The following MORC2 variants were observed in gnomAD, a reference collection of about 807,000 sequenced individuals.
MORC2 encodes the protein ATPase MORC2.
Under a neutral mutation model 136.0 loss-of-function variants are expected in MORC2, and 30 were observed. The observed-to-expected ratio is 0.22, with a 90% CI of 0.17 to 0.30. The LOEUF is 0.30. Among genes scored for constraint, MORC2 ranks in the 10% least tolerant of loss-of-function variants. The pLI is 1.00. For missense variants in MORC2, 922 were observed against 1,333.1 expected (o/e 0.69, Z 4.80); for synonymous variants, 439 against 487.0 (o/e 0.90, Z 1.30).
chr22:30,940,133 T>A, intron 10 of MORC2, 92 bp from the exon 11 acceptor site: 1 of 1,267,864 alleles, frequency 7.9e-7, no homozygotes, highest in Non-Finnish European at 1.1e-6. Flanking sequence ...ACGAAGTGTG[T>A]ACACCACCAA....
chr22:30,931,142 C>A (rs928781961), intron 24 of MORC2, among the ~76,000 whole-genome samples: 1 of 152,198 alleles, frequency 6.6e-6, no homozygotes, highest in Non-Finnish European at 1.5e-5. Context: ...TGCCTCCTCG[C>A]CCCTGCATCT....
chr22:30,937,808 C>A lies in MORC2; in HGVS notation c.1369+7G>T. The A allele has an allele frequency of 6.2e-7, 1 of 1,614,152 alleles. No homozygotes were observed. The highest frequency in any genetic ancestry group is 8.5e-7 in the Non-Finnish European group (1 of 1,180,032). ...AAGGCAGAGGCCCAGCAGCCCAGCCCCATTACCGATGGCAATATCCTTCCA... is the reference window on the plus strand; with the variant it reads ...AAGGCAGAGGCCCAGCAGCCCAGCCACATTACCGATGGCAATATCCTTCCA... On this transcript the variant is annotated splice_region_variant and intron_variant, in intron 14 of 25. Transcript: ENST00000397641. This position sits in a 1 kb window ranked among gnomAD's most constrained non-coding sequence, Gnocchi z 4.7.
chr22:30,940,415 A>G (rs1024719822), intron 10 of MORC2, among the ~76,000 whole-genome samples: 1 of 152,228 alleles, frequency 6.6e-6, no homozygotes, highest in Non-Finnish European at 1.5e-5. Context: ...AACCCTGAAC[A>G]GCGAGAGAGC....
intron 1 of MORC2, among the ~76,000 whole-genome samples, chr22:30,961,125 C>T (rs1419672355): frequency 1.3e-5 from 2 of 152,144 alleles, no homozygotes; most frequent in African/African-American, 2.4e-5. Context: ...CCGCCTCAGC[C>T]TCCCAAAGTG....
chr22:30,965,521 G>A (rs796949534), intron 1 of MORC2, among the ~76,000 whole-genome samples: 37 of 152,296 alleles, frequency 2.4e-4, no homozygotes, highest in Middle Eastern at 3.4e-3. Context: ...TCTTCTGGTA[G>A]GACTAATACA....
chr22:30,928,243 T>G, intron 24 of MORC2, 36 bp from the exon 25 acceptor site: 1 of 1,611,524 alleles, frequency 6.2e-7, no homozygotes, highest in South Asian at 1.1e-5. Flanking sequence ...AGTGTGTAAG[T>G]TCACAGGGGT....
chr22:30,933,560 C>T, intron 20 of MORC2, 40 bp from the exon 21 acceptor site: 3 of 1,607,652 alleles, frequency 1.9e-6, no homozygotes, highest in South Asian at 1.1e-5. Context: ...CCCCAGTGCC[C>T]CCCAAGAGCA....
intron 25 of MORC2, among the ~76,000 whole-genome samples, chr22:30,927,752 C>G (rs2040510329): frequency 6.6e-6 from 1 of 152,250 alleles, no homozygotes; most frequent in Non-Finnish European, 1.5e-5. Flanking sequence ...TGGAAAAGAA[C>G]TTCGTTTTTA....
rs765158896 is a variant in MORC2, at chr22:30,940,815, G to A, written c.847C>T (p.Arg283Cys). The A allele has an allele frequency of 3.0e-5, 48 of 1,613,878 alleles. No individual in the cohort carries two copies. Among genetic ancestry groups the A allele is most frequent in the Non-Finnish European group, 4.1e-5 (48 of 1,180,012 alleles). Residue 283 changes from arginine to cysteine, a missense_variant, in exon 10 of 26, where the codon CGT (arginine) becomes TGT (cysteine). Around this residue, in one of 9 missense-constraint regions of MORC2, gnomAD observed 261 missense variants for 354.3 expected, o/e 0.74. Coordinates refer to ENST00000397641, the MANE Select transcript of MORC2 (RefSeq NM_001303256.3). The stretch of plus-strand genomic sequence containing the variant: ...TCCTGCTCCGCACGGGTCTTGAAAC[G>A]GCTTGACGTGTACTTGTACATCCTG... ...KPRMYKYTSSRFKTRAEQEVK... is the reference protein window; with the variant it reads ...KPRMYKYTSSCFKTRAEQEVK...
At chr22:30,958,862 A>G (rs2041003949) in intron 1 of MORC2, 168 bp from the exon 2 acceptor site, 1 of 566,808 alleles carries the variant, frequency 1.8e-6, no homozygotes, top group African/African-American at 1.9e-5. Context: ...ACTCCCCTCA[A>G]TTGTTAATCT....
rs187710024 is a variant in MORC2 at position 30,940,189 on chromosome 22, G to A, written c.905-148C>T. The A allele has an allele frequency of 5.1e-4, 393 of 770,162 alleles. 5 individuals are homozygous for A. The African/African-American group carries it at 5.2e-3, about 10-fold the overall frequency. 47.7% of individuals were successfully genotyped at this position (770,162 alleles called of 1,614,324 possible). ...GCTATGGCTGGTGAGCAATGTGAGG[G>A]CAGCCTCTGTGCCTGGACGGCAGTC... On this transcript the variant is annotated intron_variant, in intron 10 of 25. Coordinates refer to ENST00000397641, the MANE Select transcript of MORC2 (RefSeq NM_001303256.3).
In MORC2 at chr22:30,932,314, G is replaced by A; in HGVS notation, c.2841+45C>T. 3 of 1,455,348 alleles carry A rather than the reference G, an allele frequency of 2.1e-6. No individual in the cohort carries two copies. Among genetic ancestry groups the A allele is most frequent in the Non-Finnish European group, 2.9e-6 (3 of 1,045,690 alleles). 90.2% of individuals were successfully genotyped at this position (1,455,348 alleles called of 1,614,324 possible). A position where few individuals can be genotyped will look rare whatever the true frequency, so the allele number is the denominator to read the frequency against. The stretch of plus-strand genomic sequence containing the variant: ...AGTTACAACAAATGCAGGGGCAGGG[G>A]TGGGGGAATGAAGAGTGTGGAATCG... On this transcript the variant is annotated intron_variant, in intron 24 of 25. Coordinates refer to ENST00000397641, the MANE Select transcript of MORC2 (RefSeq NM_001303256.3). The surrounding 1 kb of genome is among the most constrained non-coding windows in gnomAD (Gnocchi z 4.4).
rs575518019 is a variant in MORC2, at chr22:30,953,456, G to T, written c.158-3011C>A. Among the ~76,000 whole-genome samples the T allele has an allele frequency of 3.0e-4, 45 of 152,210 alleles. 1 individual carries two copies. The highest frequency in any genetic ancestry group is 1.1e-3 in the African/African-American group (44 of 41,518). On this transcript the variant is annotated intron_variant, in intron 3 of 25. Coordinates refer to ENST00000397641, the MANE Select transcript of MORC2 (RefSeq NM_001303256.3). ...AGACATTCTTCATCTAACTCCCACT[G>T]GGAAGAATAAAGAAAGAAAGCAGGA... is the stretch of plus-strand genomic sequence containing the variant.
intron 1 of MORC2, among the ~76,000 whole-genome samples, chr22:30,960,927 G>A (rs917729914): frequency 2.9e-5 from 4 of 138,992 alleles, no homozygotes; most frequent in East Asian, 2.5e-4. Flanking sequence ...TGCAAGCGGC[G>A]CAATCTCGGC....
intron 1 of MORC2, chr22:30,967,014 T>C: frequency 2.3e-6 from 2 of 857,802 alleles, no homozygotes; most frequent in Non-Finnish European, 2.8e-6. Context: ...GACTGGACCA[T>C]TCATGTAGCT....
chr22:30,958,958 A>T, intron 1 of MORC2: 1 of 358,116 alleles, frequency 2.8e-6, no homozygotes, highest in Non-Finnish European at 5.1e-6. Context: ...AAAGAGTCCT[A>T]TGTGTAGTAA....
At chr22:30,963,371 C>T in intron 1 of MORC2, 1 of 920,366 alleles carries the variant, frequency 1.1e-6, no homozygotes, top group Non-Finnish European at 1.3e-6. Flanking sequence ...AATTCGTTCA[C>T]TTTCAACTGA....
Position 30,962,264 on chromosome 22 carries a change from T to C in MORC2, c.69-3570A>G, listed in dbSNP as rs558409780. Among the ~76,000 whole-genome samples, 78 of 151,604 alleles carry C rather than the reference T, an allele frequency of 5.1e-4. 1 individual carries two copies. The South Asian group carries it at 0.016, about 31-fold the overall frequency. The stretch of plus-strand genomic sequence containing the variant: ...AATGTGCCTTGCATATTTAGAACTT[T>C]CAAAAAATTCTAAATGGGCAGGGTG... On this transcript the variant is annotated intron_variant, in intron 1 of 25. Transcript: ENST00000397641.
chr22:30,951,275 C>G (rs556847778), intron 3 of MORC2, among the ~76,000 whole-genome samples: 1 of 152,244 alleles, frequency 6.6e-6, no homozygotes, highest in South Asian at 2.1e-4. Flanking sequence ...CAGTTGTCTT[C>G]TGCAGCAGAA....
Sources: gnomAD v4.1 joint callset for allele counts (sites outside exome capture counted in the v4.1 genomes callset) on GRCh38, gnomAD v4.1.1 for gene constraint, gnomAD v4.1.1 regional missense constraint, Gnocchi (gnomAD v3.1) non-coding constraint, MANE v1.5 for transcripts, NCBI Gene and HGNC (gene_info 2026-07-23, HGNC 2026-07-21) for gene names.